Variants in CNGA1 observed in about 807,000 individuals in gnomAD.
CNGA1 encodes the protein cyclic nucleotide gated channel subunit alpha 1.
In CNGA1, 53 loss-of-function variants were observed where a neutral mutation model predicts 69.7. The ratio of observed to expected loss-of-function variants is 0.76; its 90% CI spans 0.61 to 0.96. CNGA1 has a LOEUF of 0.96. Among genes scored for constraint, CNGA1 ranks in the 40% least tolerant of loss-of-function variants. CNGA1 has a pLI of 0.00. For synonymous variants in CNGA1, 249 were observed against 283.5 expected, an observed-to-expected ratio of 0.88 and a Z score of 1.22; for missense variants, 739 against 811.2, an observed-to-expected ratio of 0.91 and a Z score of 1.08.
chr4:47,940,279 C>T (rs905511594), intron 10 of CNGA1, among the ~76,000 whole-genome samples: 1 of 152,154 alleles, frequency 6.6e-6, no homozygotes, highest in Non-Finnish European at 1.5e-5. Context: ...TAGCTTCTAC[C>T]TACTTAACAG....
At chr4:48,015,034 C>T (rs901908741) in intron 1 of CNGA1, among the ~76,000 whole-genome samples, 1 of 151,842 alleles carries the variant, frequency 6.6e-6, no homozygotes, top group Non-Finnish European at 1.5e-5. Flanking sequence ...AAAAATTAGC[C>T]GGGCGTGGTG....
chr4:47,956,961 T>G (rs957332898), intron 3 of CNGA1, among the ~76,000 whole-genome samples: 3 of 152,090 alleles, frequency 2.0e-5, no homozygotes, highest in Non-Finnish European at 4.4e-5. Flanking sequence ...TTAGACCGAG[T>G]CTTGCTCTGT....
chr4:47,974,068 CTAGATAGATAGATAGA>C (rs66992308), intron 3 of CNGA1, among the ~76,000 whole-genome samples: 18,590 of 137,934 alleles, frequency 0.13, 1,436 homozygotes, highest in East Asian at 0.21. Context: ...AACCTGGTCT[CTAGATAGATAGATAGA>C]TAGATAGATA....
chr4:47,943,348 G>T, intron 7 of CNGA1, 23 bp downstream of exon 7: 1 of 1,533,930 alleles, frequency 6.5e-7, no homozygotes, highest in Non-Finnish European at 8.8e-7. Context: ...AAAAATGTGG[G>T]GTAATTCTTG....
At chr4:47,986,481 G>A (rs1476662412) in intron 2 of CNGA1, among the ~76,000 whole-genome samples, 2 of 151,564 alleles carry the variant, frequency 1.3e-5, no homozygotes, top group Non-Finnish European at 2.9e-5. Context: ...AATATAACCA[G>A]GTGAAGTAAT....
Position 47,943,258 on chromosome 4 carries a change from G to A in CNGA1, c.360C>T (p.Asn120=), listed in dbSNP as rs147591591. Residue 120 remains asparagine, a synonymous_variant, in exon 8 of 11, where the codon AAC becomes AAT. Transcript: ENST00000514170. The part of the protein sequence containing the change: ...SKSDDKNENK[N]DPEKKKKKKD... The stretch of plus-strand genomic sequence containing the variant: ...TTTTCTTCTTTTTCTTCTCTGGGTC[G>A]TTTTTATTTTCGTTTTTATCATCTG... 1.2e-3 allele frequency: 1,931 copies of A among 1,565,332 alleles called. 3 individuals carry two copies. The highest frequency in any genetic ancestry group is 1.5e-3 in the Non-Finnish European group (1,716 of 1,155,218).
chr4:47,962,195 T>C (rs1740480371), intron 3 of CNGA1, among the ~76,000 whole-genome samples: 1 of 151,850 alleles, frequency 6.6e-6, no homozygotes, highest in Admixed American at 6.6e-5. Context: ...AATACAAAAA[T>C]TAGCTGGGTG....
Position 47,936,124 on chromosome 4 carries a change from G to A in CNGA1, c.*297C>T. ...GTGAGGGCTACTTATTCATTTTTAT[G>A]AAGAATATTACATAAAATGAGCGTA... is the stretch of plus-strand genomic sequence containing the variant. On this transcript the variant is annotated 3_prime_UTR_variant, in exon 11 of 11. Coordinates refer to ENST00000514170, the MANE Select transcript of CNGA1 (RefSeq NM_001379270.1). 1 of 422,286 alleles carries A rather than the reference G, an allele frequency of 2.4e-6. No homozygotes were observed. Among genetic ancestry groups the A allele is most frequent in the East Asian group, 4.6e-5 (1 of 21,844 alleles). 26.2% of individuals were successfully genotyped at this position (422,286 alleles called of 1,614,324 possible). A position where few individuals can be genotyped will look rare whatever the true frequency, so the allele number is the denominator to read the frequency against.
chr4:47,938,869 G>T (rs942047087), intron 10 of CNGA1, among the ~76,000 whole-genome samples: 1 of 151,560 alleles, frequency 6.6e-6, no homozygotes. Context: ...TTGAGTGCAG[G>T]AGTTTGAGAC....
intron 2 of CNGA1, among the ~76,000 whole-genome samples, chr4:48,008,720 T>A (rs1400664014): frequency 6.6e-6 from 1 of 152,168 alleles, no homozygotes; most frequent in Admixed American, 6.5e-5. Context: ...TCTGAGACAG[T>A]GAAAAAGACA....
At chr4:47,938,856 C>T (rs1738861362) in intron 10 of CNGA1, among the ~76,000 whole-genome samples, 1 of 150,958 alleles carries the variant, frequency 6.6e-6, no homozygotes, top group Non-Finnish European at 1.5e-5. Flanking sequence ...GCAGGAGGAT[C>T]CCTTGAGTGC....
chr4:48,008,677 CA>C (rs1409631030), intron 2 of CNGA1, among the ~76,000 whole-genome samples: 3 of 152,140 alleles, frequency 2.0e-5, no homozygotes, highest in African/African-American at 7.2e-5. Context: ...TGATAGTCAT[CA>C]ATTAAAGTTA....
intron 2 of CNGA1, among the ~76,000 whole-genome samples, chr4:47,996,172 GTCTA>G (rs1240772174): frequency 6.6e-6 from 1 of 152,108 alleles, no homozygotes; most frequent in Non-Finnish European, 1.5e-5. Context: ...ACACTGCTCT[GTCTA>G]TCTGAGTCAG....
chr4:47,952,604 C>CT lies in CNGA1; in HGVS notation c.85dup (p.Arg29LysfsTer12), dbSNP rs1174222059. 3 of 1,611,694 alleles carry CT rather than the reference C, an allele frequency of 1.9e-6. No homozygotes were observed. The highest frequency in any genetic ancestry group is 1.7e-4 in the Middle Eastern group (1 of 6,054). On this transcript the variant is annotated frameshift_variant, in exon 4 of 11. Coordinates refer to ENST00000514170, the MANE Select transcript of CNGA1 (RefSeq NM_001379270.1). LOFTEE classifies it high-confidence loss of function. ...TTACCTGCATGCTCCATTTTCCATC[C>CT]TTCGTATTTCCTTTTCAATATCTGG...
intron 9 of CNGA1, among the ~76,000 whole-genome samples, chr4:47,941,404 T>A (rs1196260929): frequency 6.6e-6 from 1 of 152,234 alleles, no homozygotes; most frequent in East Asian, 1.9e-4. Flanking sequence ...TCGTATTGAC[T>A]ATCTGTACCC....
intron 10 of CNGA1, 33 bp from the exon 11 acceptor site, chr4:47,937,862 C>T: frequency 2.0e-6 from 3 of 1,528,842 alleles, no homozygotes; most frequent in East Asian, 4.5e-5. Flanking sequence ...TTCAGTGTTT[C>T]TCCTTTTTAT....
chr4:47,987,915 C>G (rs903686316), intron 2 of CNGA1, among the ~76,000 whole-genome samples: 1 of 151,974 alleles, frequency 6.6e-6, no homozygotes, highest in Non-Finnish European at 1.5e-5. Flanking sequence ...TAATGAAAAG[C>G]AGAGAAGCCA....
chr4:47,976,184 T>C (rs1456210972), intron 3 of CNGA1, among the ~76,000 whole-genome samples: 5 of 39,716 alleles, frequency 1.3e-4, no homozygotes, highest in African/African-American at 5.4e-4. Context: ...CATACATATA[T>C]ATATACATAT....
chr4:47,940,787 C>T lies in CNGA1; in HGVS notation c.628G>A (p.Asp210Asn), dbSNP rs1198139574. ...CCTGTCCTTGTTCGTACAAACATAT[C>T]GATTAAATAGACTATGTCTGATACG... The part of the protein sequence containing the change: ...DYVSDIVYLI[D>N]MFVRTRTGYL... Residue 210 changes from aspartate (D) to asparagine (N), a missense_variant, in exon 10 of 11, where the codon GAT becomes AAT. Coordinates refer to ENST00000514170, the MANE Select transcript of CNGA1 (RefSeq NM_001379270.1). 29 of 1,605,610 alleles carry T rather than the reference C, an allele frequency of 1.8e-5. No homozygotes were observed. The highest frequency in any genetic ancestry group is 2.2e-5 in the South Asian group (2 of 90,670).
Sources: allele counts gnomAD v4.1 joint callset (sites outside exome capture counted in the v4.1 genomes callset), GRCh38; gene constraint gnomAD v4.1.1; transcripts MANE v1.5; gene names NCBI Gene and HGNC (gene_info 2026-07-23, HGNC 2026-07-21).